The following IL1RAPL1 variants were observed in gnomAD, a reference collection of about 807,000 sequenced individuals.
IL1RAPL1 encodes interleukin 1 receptor accessory protein like 1.
A neutral mutation model predicts 48.4 loss-of-function variants in IL1RAPL1; 3 were observed. That is an observed-to-expected ratio of 0.06 (90% CI 0.03 to 0.16). The LOEUF (loss-of-function observed/expected upper bound fraction) is 0.16, where lower values mean the gene tolerates loss of function less well. Ranked by LOEUF, IL1RAPL1 falls within the 10% of genes least tolerant of loss-of-function variation. The pLI is 1.00. For synonymous variants in IL1RAPL1, 185 were observed against 187.7 expected, an observed-to-expected ratio of 0.99 and a Z score of 0.12; for missense variants, 349 against 530.6, an observed-to-expected ratio of 0.66 and a Z score of 3.36.
intron 2 of IL1RAPL1, among the ~76,000 whole-genome samples, chrX:28,863,992 A>G (rs377205591): frequency 1.2e-4 from 14 of 112,063 alleles, no homozygotes; most frequent in Non-Finnish European, 1.9e-4. Context: ...TTGAATACCA[A>G]TGTTCTGAAA....
intron 6 of IL1RAPL1, among the ~76,000 whole-genome samples, chrX:29,674,574 A>G (rs991496146): frequency 2.7e-5 from 3 of 112,223 alleles, no homozygotes; most frequent in Non-Finnish European, 5.6e-5. Context: ...CTTTTTTAAA[A>G]AAACTTTTAT....
At chrX:28,697,584 T>C (rs190133156) in intron 1 of IL1RAPL1, among the ~76,000 whole-genome samples, 87 of 111,683 alleles carry the variant, frequency 7.8e-4, no homozygotes, top group Middle Eastern at 4.9e-3. Flanking sequence ...GGAAGGACAG[T>C]TGTGATACAA....
At position 28,816,302 on chromosome X, in the gene IL1RAPL1, A is replaced by G. The variant is rs752434677; in HGVS notation, c.82+26877A>G. ...GTTTGAAGGTTTGTTATATGGGTATATTGTATGATGCTAAGGTGTGGGGTA... is the reference window on the plus strand; with the variant it reads ...GTTTGAAGGTTTGTTATATGGGTATGTTGTATGATGCTAAGGTGTGGGGTA... On this transcript the variant is annotated intron_variant, in intron 2 of 10. Coordinates refer to ENST00000378993, the MANE Select transcript of IL1RAPL1 (RefSeq NM_014271.4). Among the ~76,000 whole-genome samples, 9 of 109,808 alleles carry G rather than the reference A, an allele frequency of 8.2e-5. No individual in the cohort carries two copies. In the South Asian group the frequency reaches 3.5e-3, roughly 43 times the overall value.
intron 5 of IL1RAPL1, among the ~76,000 whole-genome samples, chrX:29,575,567 CCCA>C (rs1407415811): frequency 6.3e-5 from 7 of 111,935 alleles, no homozygotes; most frequent in Non-Finnish European, 1.3e-4. Flanking sequence ...TTGGATGGTG[CCCA>C]CCCACATTGA....
chrX:29,315,611 T>C (rs1156983152), intron 3 of IL1RAPL1, among the ~76,000 whole-genome samples: 1 of 111,577 alleles, frequency 9.0e-6, no homozygotes, highest in Non-Finnish European at 1.9e-5. Flanking sequence ...CCAATACCAG[T>C]AGTTAGAAGC....
chrX:28,982,118 A>G (rs752340578), intron 2 of IL1RAPL1, among the ~76,000 whole-genome samples: 1 of 112,140 alleles, frequency 8.9e-6, no homozygotes. Context: ...AAATATGATG[A>G]GAGAGCAAGG....
chrX:29,930,294 T>C (rs1373915302), intron 8 of IL1RAPL1, among the ~76,000 whole-genome samples: 1 of 112,161 alleles, frequency 8.9e-6, no homozygotes, highest in Non-Finnish European at 1.9e-5. Context: ...GATAGTTGCA[T>C]AAACAGATAG....
chrX:29,932,400 T>C (rs1932961686), intron 8 of IL1RAPL1, among the ~76,000 whole-genome samples: 2 of 112,178 alleles, frequency 1.8e-5, no homozygotes, highest in Non-Finnish European at 1.9e-5. Flanking sequence ...GTTTAATGGG[T>C]TCCATGAATC....
intron 8 of IL1RAPL1, among the ~76,000 whole-genome samples, chrX:29,926,986 G>A (rs1932897315): frequency 8.9e-6 from 1 of 111,978 alleles, no homozygotes; most frequent in Non-Finnish European, 1.9e-5. Flanking sequence ...GTGACTAGAA[G>A]GTCAACAGAA....
At chrX:29,747,110 T>C (rs1324667637) in intron 6 of IL1RAPL1, among the ~76,000 whole-genome samples, 1 of 112,172 alleles carries the variant, frequency 8.9e-6, no homozygotes, top group East Asian at 2.8e-4. Context: ...TAATTCAGGA[T>C]AGAACCCACT....
At chrX:28,920,874 T>C (rs1006287142) in intron 2 of IL1RAPL1, among the ~76,000 whole-genome samples, 8 of 111,982 alleles carry the variant, frequency 7.1e-5, no homozygotes, top group African/African-American at 2.6e-4. Flanking sequence ...TGTGCCTCTT[T>C]GAGAAACAGA....
intron 2 of IL1RAPL1, among the ~76,000 whole-genome samples, chrX:28,875,736 G>A (rs1373070130): frequency 2.7e-5 from 3 of 111,575 alleles, no homozygotes; most frequent in African/African-American, 9.8e-5. Context: ...CAAGAGAAAT[G>A]TAGGTATCTC....
chrX:28,944,111 C>A (rs1179019219), intron 2 of IL1RAPL1, among the ~76,000 whole-genome samples: 1 of 110,350 alleles, frequency 9.1e-6, no homozygotes, highest in Non-Finnish European at 1.9e-5. Flanking sequence ...TTAATAATCA[C>A]AAATTAGTTG....
chrX:29,584,352 C>A (rs2147805668), intron 5 of IL1RAPL1, among the ~76,000 whole-genome samples: 1 of 111,464 alleles, frequency 9.0e-6, no homozygotes, highest in Admixed American at 9.6e-5. Flanking sequence ...AGAAAGAAAA[C>A]CTTTCTTGAC....
chrX:29,766,019 A>C (rs898457877), intron 6 of IL1RAPL1, among the ~76,000 whole-genome samples: 6 of 110,110 alleles, frequency 5.4e-5, no homozygotes, highest in Non-Finnish European at 1.1e-4. Flanking sequence ...TGTCGAACTA[A>C]AAAAATATAA....
intron 5 of IL1RAPL1, among the ~76,000 whole-genome samples, chrX:29,460,926 T>G (rs1934795004): frequency 9.0e-6 from 1 of 111,572 alleles, no homozygotes; most frequent in African/African-American, 3.3e-5. Context: ...TAATAAATAT[T>G]CATGTTAAAC....
chrX:29,656,389 C>T (rs1320533380), intron 5 of IL1RAPL1, among the ~76,000 whole-genome samples: 1 of 110,750 alleles, frequency 9.0e-6, no homozygotes, highest in Non-Finnish European at 1.9e-5. Flanking sequence ...TATACTGAAC[C>T]CAATGTGTAG....
intron 6 of IL1RAPL1, among the ~76,000 whole-genome samples, chrX:29,792,863 C>A (rs1014135115): frequency 9.0e-6 from 1 of 111,717 alleles, no homozygotes; most frequent in African/African-American, 3.2e-5. Context: ...ACCCTTTCTA[C>A]TACTCACAGA....
At chrX:29,387,695 A>T (rs967232257) in intron 3 of IL1RAPL1, among the ~76,000 whole-genome samples, 2 of 111,850 alleles carry the variant, frequency 1.8e-5, no homozygotes, top group Non-Finnish European at 3.8e-5. Flanking sequence ...GCTATCAAGG[A>T]ATATGTGTTA....
Sources: gnomAD v4.1 joint callset for allele counts (sites outside exome capture counted in the v4.1 genomes callset) on GRCh38, gnomAD v4.1.1 for gene constraint, MANE v1.5 for transcripts, NCBI Gene and HGNC (gene_info 2026-07-23, HGNC 2026-07-21) for gene names.